Variants in FNDC3A observed in about 807,000 individuals in gnomAD.
FNDC3A encodes the protein fibronectin type III domain containing 3A, also known as fibronectin type-III domain-containing protein 3A.
A neutral mutation model predicts 148.9 loss-of-function variants in FNDC3A; 32 were observed. The observed-to-expected ratio is 0.21, with a 90% CI of 0.16 to 0.29. The LOEUF is 0.29. Ranked by LOEUF, FNDC3A falls within the 10% of genes least tolerant of loss-of-function variation. The probability of loss-of-function intolerance (pLI) is 1.00; values close to 1 mark genes in which losing one functional copy is unlikely to be tolerated. For synonymous variants in FNDC3A, 472 were observed against 473.6 expected (o/e 1.00, Z 0.04); for missense variants, 1,191 against 1,452.8 (o/e 0.82, Z 2.93).
chr13:49,063,111 G>A (rs1877010686), intron 2 of FNDC3A, among the ~76,000 whole-genome samples: 1 of 152,056 alleles, frequency 6.6e-6, no homozygotes, highest in South Asian at 2.1e-4. Flanking sequence ...GTACATGATA[G>A]GATTTGATCC....
intron 10 of FNDC3A, among the ~76,000 whole-genome samples, chr13:49,171,419 A>G (rs1884748059): frequency 6.6e-6 from 1 of 152,186 alleles, no homozygotes; most frequent in South Asian, 2.1e-4. Context: ...TGCAAAGAGG[A>G]AATGGGCTGA....
intron 2 of FNDC3A, among the ~76,000 whole-genome samples, chr13:49,019,650 A>G (rs896968668): frequency 2.0e-5 from 3 of 152,224 alleles, no homozygotes; most frequent in African/African-American, 7.2e-5. Flanking sequence ...TTCAATGTTT[A>G]ACTGACAGTA....
chr13:49,177,375 C>T (rs1885083619), intron 13 of FNDC3A, among the ~76,000 whole-genome samples: 1 of 152,128 alleles, frequency 6.6e-6, no homozygotes, highest in African/African-American at 2.4e-5. Context: ...GTAGTACAGC[C>T]TGAATCTAGT....
chr13:49,170,285 A>C (rs1884688040), intron 10 of FNDC3A, among the ~76,000 whole-genome samples: 1 of 152,194 alleles, frequency 6.6e-6, no homozygotes, highest in Non-Finnish European at 1.5e-5. Context: ...CCATAGTATA[A>C]TGTCTGGAAC....
At chr13:49,078,324 A>G (rs1277652711) in intron 3 of FNDC3A, among the ~76,000 whole-genome samples, 1 of 152,208 alleles carries the variant, frequency 6.6e-6, no homozygotes, top group East Asian at 1.9e-4. Context: ...AAGCCTATCT[A>G]ATTTATAATG....
chr13:49,048,433 T>C (rs1432885288), intron 2 of FNDC3A, among the ~76,000 whole-genome samples: 1 of 152,116 alleles, frequency 6.6e-6, no homozygotes, highest in African/African-American at 2.4e-5. Context: ...GTAATATTAA[T>C]GAATTAATAT....
chr13:49,125,576 C>T (rs1019525832), intron 4 of FNDC3A, among the ~76,000 whole-genome samples: 2 of 151,944 alleles, frequency 1.3e-5, no homozygotes, highest in Non-Finnish European at 2.9e-5. Flanking sequence ...GTCACAGAAC[C>T]CTAATAGCTT....
chr13:49,163,828 T>A (rs1682001577), intron 8 of FNDC3A, among the ~76,000 whole-genome samples: 1 of 152,152 alleles, frequency 6.6e-6, no homozygotes, highest in Non-Finnish European at 1.5e-5. Context: ...CACGTGAGAG[T>A]GTATTCCTGT....
intron 8 of FNDC3A, among the ~76,000 whole-genome samples, chr13:49,161,013 A>G (rs1228449218): frequency 6.6e-6 from 1 of 152,080 alleles, no homozygotes; most frequent in African/African-American, 2.4e-5. Flanking sequence ...GTTCTTTTAC[A>G]TTTGCTGAGG....
chr13:49,110,286 C>T, intron 3 of FNDC3A: 5 of 1,485,902 alleles, frequency 3.4e-6, no homozygotes, highest in Non-Finnish European at 3.6e-6. Flanking sequence ...GGATCTTTTC[C>T]TCTTACAGCC....
At chr13:49,142,633 T>C (rs549026403) in intron 7 of FNDC3A, among the ~76,000 whole-genome samples, 1 of 152,300 alleles carries the variant, frequency 6.6e-6, no homozygotes, top group Non-Finnish European at 1.5e-5. Flanking sequence ...ACAGCATTTT[T>C]AGAAGATTTT....
intron 2 of FNDC3A, among the ~76,000 whole-genome samples, chr13:49,023,682 A>T (rs1053841846): frequency 1.3e-5 from 2 of 151,970 alleles, no homozygotes; most frequent in Non-Finnish European, 2.9e-5. Flanking sequence ...AGAAATTGTT[A>T]ACTTTTAAGT....
chr13:49,109,442 T>C (rs1880407830), intron 3 of FNDC3A, among the ~76,000 whole-genome samples: 1 of 152,240 alleles, frequency 6.6e-6, no homozygotes, highest in African/African-American at 2.4e-5. Context: ...TTCTTTCCAC[T>C]GTACAACTTG....
At chr13:49,040,179 A>G (rs922457548) in intron 2 of FNDC3A, among the ~76,000 whole-genome samples, 1 of 152,202 alleles carries the variant, frequency 6.6e-6, no homozygotes, top group Non-Finnish European at 1.5e-5. Context: ...TGTTTTAAGC[A>G]TATGTTTATC....
chr13:49,008,422 G>C (rs976471227), intron 2 of FNDC3A, among the ~76,000 whole-genome samples: 1 of 151,228 alleles, frequency 6.6e-6, no homozygotes, highest in African/African-American at 2.4e-5. Flanking sequence ...GTTGATGCCT[G>C]TTTAACCACA....
chr13:49,186,807 G>A (rs1593724729), intron 15 of FNDC3A, among the ~76,000 whole-genome samples: 1 of 152,238 alleles, frequency 6.6e-6, no homozygotes, highest in East Asian at 1.9e-4. Context: ...GGCAGAGGTT[G>A]CAGTGAGTCG....
chr13:49,034,831 A>G (rs945236242), intron 2 of FNDC3A, among the ~76,000 whole-genome samples: 2 of 152,060 alleles, frequency 1.3e-5, no homozygotes, highest in Non-Finnish European at 2.9e-5. Context: ...CAGTGAATTC[A>G]TATTTTAAAC....
At chr13:49,136,670 T>C (rs1882382801) in intron 6 of FNDC3A, 69 bp downstream of exon 6, 1 of 1,443,090 alleles carries the variant, frequency 6.9e-7, no homozygotes, top group African/African-American at 1.4e-5. Context: ...TAAAAGTATA[T>C]TCTAACCTTT....
At chr13:48,997,401 T>C (rs1357006318) in intron 1 of FNDC3A, among the ~76,000 whole-genome samples, 2 of 152,074 alleles carry the variant, frequency 1.3e-5, no homozygotes, top group Non-Finnish European at 2.9e-5. Context: ...AGCGGCTGAG[T>C]GAGAAAGCAC....
Sources: allele counts gnomAD v4.1 joint callset (sites outside exome capture counted in the v4.1 genomes callset), GRCh38; gene constraint gnomAD v4.1.1; transcripts MANE v1.5; gene names NCBI Gene and HGNC (gene_info 2026-07-23, HGNC 2026-07-21).